Variants in NTNG1 observed in about 807,000 individuals in gnomAD.
NTNG1 encodes netrin G1.
NTNG1 carries 16 observed loss-of-function variants against 54.0 expected under a neutral mutation model. The ratio of observed to expected loss-of-function variants is 0.30; its 90% confidence interval spans 0.20 to 0.45. The LOEUF is 0.45. Ranked by LOEUF, NTNG1 falls within the 20% of genes least tolerant of loss-of-function variation. The pLI is 1.00. For missense variants in NTNG1, 530 were observed against 678.7 expected (o/e 0.78, Z 2.43); for synonymous variants, 255 against 263.1 (o/e 0.97, Z 0.30).
chr1:107,214,297 A>G (rs947563606), intron 2 of NTNG1, among the ~76,000 whole-genome samples: 2 of 152,206 alleles, frequency 1.3e-5, no homozygotes, highest in East Asian at 1.9e-4. Flanking sequence ...GAGTCCCCAA[A>G]GTCCATTGTA....
intron 2 of NTNG1, among the ~76,000 whole-genome samples, chr1:107,156,621 T>C (rs1655017368): frequency 1.4e-5 from 2 of 145,634 alleles, no homozygotes; most frequent in Admixed American, 1.3e-4. Context: ...TAAAGAATGA[T>C]ATGGCAAAAT....
At chr1:107,237,312 C>G (rs1661478419) in intron 2 of NTNG1, among the ~76,000 whole-genome samples, 1 of 152,132 alleles carries the variant, frequency 6.6e-6, no homozygotes, top group Non-Finnish European at 1.5e-5. Context: ...AATTTCTAAG[C>G]AGCAAAGCAT....
intron 7 of NTNG1, among the ~76,000 whole-genome samples, chr1:107,471,404 A>G (rs1010875876): frequency 5.9e-5 from 9 of 152,166 alleles, no homozygotes; most frequent in African/African-American, 1.9e-4. Context: ...TGAGTCTACC[A>G]GGTTTCAGTC....
intron 7 of NTNG1, among the ~76,000 whole-genome samples, chr1:107,468,265 A>G (rs1012832299): frequency 6.6e-6 from 1 of 152,096 alleles, no homozygotes; most frequent in African/African-American, 2.4e-5. Flanking sequence ...TAAGTCTCTA[A>G]GGAGACGTTT....
chr1:107,332,860 T>C (rs1668364922), intron 3 of NTNG1, among the ~76,000 whole-genome samples: 1 of 152,106 alleles, frequency 6.6e-6, no homozygotes, highest in African/African-American at 2.4e-5. Flanking sequence ...AACTCATGGT[T>C]ACTATTTCTA....
intron 3 of NTNG1, among the ~76,000 whole-genome samples, chr1:107,355,594 A>G (rs1669890843): frequency 6.6e-6 from 1 of 152,106 alleles, no homozygotes; most frequent in African/African-American, 2.4e-5. Flanking sequence ...TTTAACCACT[A>G]CTTAGAGCCA....
At chr1:107,344,804 A>G (rs1371614432) in intron 3 of NTNG1, among the ~76,000 whole-genome samples, 1 of 152,170 alleles carries the variant, frequency 6.6e-6, no homozygotes, top group African/African-American at 2.4e-5. Flanking sequence ...CATAAAGTTC[A>G]AGTTGTCTAG....
intron 2 of NTNG1, among the ~76,000 whole-genome samples, chr1:107,316,870 C>T (rs537268378): frequency 7.6e-4 from 115 of 152,170 alleles, no homozygotes; most frequent in African/African-American, 2.7e-3. Flanking sequence ...AAATAGCTAA[C>T]GAATTTGGAA....
At chr1:107,336,182 GTTC>G (rs1668566342) in intron 3 of NTNG1, among the ~76,000 whole-genome samples, 1 of 149,574 alleles carries the variant, frequency 6.7e-6, no homozygotes, top group African/African-American at 2.5e-5. Flanking sequence ...TTATGTTGTT[GTTC>G]TTTTTTTTTT....
At chr1:107,461,131 C>G (rs1268249804) in intron 7 of NTNG1, among the ~76,000 whole-genome samples, 1 of 152,170 alleles carries the variant, frequency 6.6e-6, no homozygotes, top group Non-Finnish European at 1.5e-5. Context: ...ATTGAGTATA[C>G]TGTGTTAAGA....
At chr1:107,422,589 A>G (rs1166021055) in intron 5 of NTNG1, among the ~76,000 whole-genome samples, 2 of 152,070 alleles carry the variant, frequency 1.3e-5, no homozygotes, top group African/African-American at 4.8e-5. Context: ...ACAGCTACAT[A>G]AGGATGCAAG....
intron 7 of NTNG1, among the ~76,000 whole-genome samples, chr1:107,468,831 C>T (rs1023272771): frequency 4.3e-5 from 6 of 139,910 alleles, no homozygotes; most frequent in Non-Finnish European, 6.3e-5. Context: ...GGTGTGGTGG[C>T]TCACGCCTGT....
intron 7 of NTNG1, among the ~76,000 whole-genome samples, chr1:107,447,858 A>G (rs1676399257): frequency 6.6e-6 from 1 of 152,242 alleles, no homozygotes; most frequent in South Asian, 2.1e-4. Flanking sequence ...CCTTCCTAGC[A>G]AACTGGCCTG....
intron 4 of NTNG1, among the ~76,000 whole-genome samples, chr1:107,404,494 T>G (rs1673274720): frequency 1.3e-5 from 2 of 152,254 alleles, no homozygotes; most frequent in East Asian, 3.9e-4. Context: ...GTGGAACACT[T>G]TATAGGGGAT....
rs148342012 is a variant in NTNG1, at chr1:107,238,974, C to T, written c.247-85308C>T. 1.4e-4 allele frequency among the ~76,000 whole-genome samples: 22 copies of T among 152,162 alleles called. No individual in the cohort carries two copies. The East Asian group carries it at 3.9e-3, about 27-fold the overall frequency. On this transcript the variant is annotated intron_variant, in intron 2 of 7. Coordinates refer to ENST00000370068, the MANE Select transcript of NTNG1 (RefSeq NM_001113226.3). ...TGCTCCAGAAAGAGGCGAAGACAAA[C>T]TGTTATCACCCAGTTCATTGATTTG... is the stretch of plus-strand genomic sequence containing the variant.
chr1:107,363,079 C>T (rs1191137950), intron 3 of NTNG1, among the ~76,000 whole-genome samples: 1 of 152,160 alleles, frequency 6.6e-6, no homozygotes, highest in Non-Finnish European at 1.5e-5. Flanking sequence ...CATATTGCTG[C>T]TTCTTTTTAA....
intron 7 of NTNG1, among the ~76,000 whole-genome samples, chr1:107,476,186 G>T (rs1678313653): frequency 6.6e-6 from 1 of 152,036 alleles, no homozygotes; most frequent in Non-Finnish European, 1.5e-5. Context: ...ACCTTCATAG[G>T]ATCACTGCAT....
chr1:107,288,428 A>C (rs745935474), intron 2 of NTNG1, among the ~76,000 whole-genome samples: 1 of 152,174 alleles, frequency 6.6e-6, no homozygotes, highest in Non-Finnish European at 1.5e-5. Context: ...GTACAAACGG[A>C]AGCCAAGAAA....
intron 7 of NTNG1, among the ~76,000 whole-genome samples, chr1:107,448,659 T>G (rs889684676): frequency 9.9e-5 from 15 of 152,146 alleles, no homozygotes; most frequent in African/African-American, 3.4e-4. Flanking sequence ...TGTTGCTTTT[T>G]ATCACTTTGT....
Sources: allele counts gnomAD v4.1 joint callset (sites outside exome capture counted in the v4.1 genomes callset), GRCh38; gene constraint gnomAD v4.1.1; transcripts MANE v1.5; gene names NCBI Gene and HGNC (gene_info 2026-07-23, HGNC 2026-07-21).